The following MROH7 variants were observed in gnomAD, a reference collection of about 807,000 sequenced individuals.
The protein encoded by MROH7 is maestro heat like repeat family member 7.
Under a neutral mutation model 129.2 loss-of-function variants are expected in MROH7, and 113 were observed. That is an observed-to-expected ratio of 0.87 (90% CI 0.75 to 1.02). The LOEUF (loss-of-function observed/expected upper bound fraction) is 1.02. MROH7 is among the 50% of genes least tolerant of loss of function. The probability of loss-of-function intolerance (pLI) is 0.00; values close to 1 mark genes in which losing one functional copy is unlikely to be tolerated. For missense variants in MROH7, 1,601 were observed against 1,671.3 expected (o/e 0.96, Z 0.73); for synonymous variants, 655 against 667.9 (o/e 0.98, Z 0.30).
At position 54,670,580 on chromosome 1, in the gene MROH7, T is replaced by C. The variant is rs199982489; in HGVS notation, c.1469+4T>C. The C allele has an allele frequency of 8.7e-6, 14 of 1,610,522 alleles. No individual in the cohort carries two copies. The highest frequency in any genetic ancestry group is 5.0e-5 in the Admixed American group (3 of 59,730). On this transcript the variant is annotated splice_donor_region_variant and intron_variant, in intron 6 of 23. Transcript: ENST00000421030. ...TGGAGATCCTGACCCAGCTGAGGTG[T>C]CCATGGCCCTCTCCCTGTTCCCACA...
chr1:54,686,711 T>C (rs1038696734), intron 15 of MROH7, among the ~76,000 whole-genome samples: 1 of 152,240 alleles, frequency 6.6e-6, no homozygotes, highest in Non-Finnish European at 1.5e-5. Context: ...CTTTACTTTT[T>C]CTTCTTTCCT....
In MROH7 at chr1:54,692,399, G is replaced by A. The variant is rs367900002; in HGVS notation, c.2712-25G>A. 4 of 1,613,074 alleles carry A rather than the reference G, an allele frequency of 2.5e-6. No homozygotes were observed. The African/African-American group carries it at 5.3e-5, about 22-fold the overall frequency. On this transcript the variant is annotated intron_variant, in intron 15 of 23. Coordinates refer to ENST00000421030, the MANE Select transcript of MROH7 (RefSeq NM_001039464.4). ...CCTGCTAGGGCCCAGGTAGGCATGA[G>A]GTCTTAATTGCCTTGTCTTGGCAGC... is the stretch of plus-strand genomic sequence containing the variant.
chr1:54,670,661 C>T, intron 6 of MROH7, 85 bp downstream of exon 6: 3 of 1,157,760 alleles, frequency 2.6e-6, no homozygotes, highest in Admixed American at 2.1e-5. Flanking sequence ...GCTGTACCCT[C>T]CCCCAACCCG....
At chr1:54,673,853 A>G in intron 9 of MROH7, 48 bp downstream of exon 9, 1 of 1,561,402 alleles carries the variant, frequency 6.4e-7, no homozygotes, top group Non-Finnish European at 8.8e-7. Flanking sequence ...AAATCTTCCC[A>G]CTTCTGAAGG....
At chr1:54,699,681 A>G (rs566133611) in intron 17 of MROH7, 59 of 189,868 alleles carry the variant, frequency 3.1e-4, no homozygotes, top group African/African-American at 1.2e-3. Flanking sequence ...GATGTTAGCT[A>G]ACAGGGGCCC....
intron 21 of MROH7, among the ~76,000 whole-genome samples, chr1:54,706,000 A>G (rs1645527509): frequency 6.6e-6 from 1 of 152,114 alleles, no homozygotes; most frequent in Non-Finnish European, 1.5e-5. Context: ...GAGTAAATCA[A>G]TGTTGCCTTC....
chr1:54,662,925 G>A (rs562222210), intron 3 of MROH7, among the ~76,000 whole-genome samples: 1 of 152,280 alleles, frequency 6.6e-6, no homozygotes, highest in Non-Finnish European at 1.5e-5. Flanking sequence ...TTTGTCTGAT[G>A]CTTGCTCATG....
At chr1:54,689,735 T>G (rs566530082) in intron 15 of MROH7, among the ~76,000 whole-genome samples, 135 of 152,284 alleles carry the variant, frequency 8.9e-4, no homozygotes, top group Non-Finnish European at 1.7e-3. Flanking sequence ...TCCAGCTGGG[T>G]GCAGTGGCCC....
chr1:54,654,205 T>G (rs749551271), intron 3 of MROH7, 48 bp downstream of exon 3: 2 of 1,501,626 alleles, frequency 1.3e-6, no homozygotes, highest in South Asian at 1.3e-5. Flanking sequence ...CTGGAGGAAT[T>G]CTGTCTTCAG....
chr1:54,701,555 C>A (rs1645436433), intron 19 of MROH7, among the ~76,000 whole-genome samples: 1 of 152,124 alleles, frequency 6.6e-6, no homozygotes, highest in Non-Finnish European at 1.5e-5. Flanking sequence ...CAGAAAGGGT[C>A]ATCTATTGTG....
Position 54,708,538 on chromosome 1 carries a change from G to GGC in MROH7, c.3668-476_3668-475insGC, listed in dbSNP as rs1428922654. Among the ~76,000 whole-genome samples the GGC allele has an allele frequency of 5.3e-5, 8 of 152,334 alleles. No homozygotes were observed. The South Asian group carries it at 6.2e-4, about 12-fold the overall frequency. On this transcript the variant is annotated intron_variant, in intron 22 of 23. Transcript: ENST00000421030. Reference sequence around the variant, plus strand: ...CACAGGCTGGCAGCAAGGGAGGGATGAGCAATGCATCAGAGGAGTCATCAG... The same window carrying GGC: ...CACAGGCTGGCAGCAAGGGAGGGATGGCAGCAATGCATCAGAGGAGTCATCAG...
intron 1 of MROH7, among the ~76,000 whole-genome samples, chr1:54,646,518 C>T (rs1553168448): frequency 6.6e-6 from 1 of 152,136 alleles, no homozygotes; most frequent in Non-Finnish European, 1.5e-5. Flanking sequence ...TCAGTCACTG[C>T]CTTCTTTCCA....
intron 5 of MROH7, among the ~76,000 whole-genome samples, chr1:54,669,994 A>C (rs1346353927): frequency 7.3e-6 from 1 of 136,106 alleles, no homozygotes; most frequent in Non-Finnish European, 1.5e-5. Flanking sequence ...ACAGAGCAAG[A>C]CTTCATGTCA....
rs1238538263 is a variant in MROH7, at chr1:54,686,423, C to G, written c.2686C>G (p.Gln896Glu). ...APPKDTKKGA[Q>E]PSPFVPVRWV... ...TCCCAAGGACACCAAGAAGGGTGCACAGCCCTCTCCCTTCGTACCTGTGCG... is the reference window on the plus strand; with the variant it reads ...TCCCAAGGACACCAAGAAGGGTGCAGAGCCCTCTCCCTTCGTACCTGTGCG... The change falls in exon 15 of 24, where the codon CAG becomes GAG. Residue 896 changes from glutamine (Q) to glutamate (E), a missense_variant. Coordinates refer to ENST00000421030, the MANE Select transcript of MROH7 (RefSeq NM_001039464.4). 2 of 1,614,092 alleles carry G rather than the reference C, an allele frequency of 1.2e-6. No individual in the cohort carries two copies. Among genetic ancestry groups the G allele is most frequent in the East Asian group, 4.5e-5 (2 of 44,868 alleles).
chr1:54,688,757 G>C (rs941219944), intron 15 of MROH7, among the ~76,000 whole-genome samples: 5 of 152,178 alleles, frequency 3.3e-5, no homozygotes, highest in Non-Finnish European at 5.9e-5. Flanking sequence ...CGCCCTGAGA[G>C]CATTGCCCAG....
intron 14 of MROH7, among the ~76,000 whole-genome samples, chr1:54,685,326 G>C (rs1049408192): frequency 1.3e-5 from 2 of 152,190 alleles, no homozygotes; most frequent in African/African-American, 4.8e-5. Context: ...TGGCCTGCAT[G>C]GAGTCCTAAT....
intron 14 of MROH7, among the ~76,000 whole-genome samples, chr1:54,683,649 C>T (rs1645104679): frequency 6.6e-6 from 1 of 152,216 alleles, no homozygotes; most frequent in South Asian, 2.1e-4. Context: ...GGCCCTGCAT[C>T]CCTGGCCGGC....
chr1:54,670,822 A>G lies in MROH7; in HGVS notation c.1492A>G (p.Met498Val). 1 of 1,614,100 alleles carries G rather than the reference A, an allele frequency of 6.2e-7. No homozygotes were observed. The highest frequency in any genetic ancestry group is 2.2e-5 in the East Asian group (1 of 44,868). ...CAGCCACACCCAGCCCACCCTGGGC[A>G]TGCGGGAGAGGTCGGAGCTGGTGAA... The part of the protein sequence containing the change: ...QLSHTQPTLG[M>V]RERSELVNVC... Residue 498 changes from methionine (M) to valine (V), a missense_variant, in exon 7 of 24, where the codon ATG (methionine) becomes GTG (valine). Transcript: ENST00000421030.
chr1:54,673,054 A>G (rs1254633224), intron 7 of MROH7, 37 bp from the exon 8 acceptor site: 10 of 1,525,120 alleles, frequency 6.6e-6, no homozygotes, highest in Non-Finnish European at 9.1e-6. Context: ...TCCGCTCCAG[A>G]GGTGCCTTAG....
Sources: gnomAD v4.1 joint callset for allele counts (sites outside exome capture counted in the v4.1 genomes callset) on GRCh38, gnomAD v4.1.1 for gene constraint, MANE v1.5 for transcripts, NCBI Gene and HGNC (gene_info 2026-07-23, HGNC 2026-07-21) for gene names.